The following DNAH2 variants were observed in gnomAD, a reference collection of about 807,000 sequenced individuals.
DNAH2 encodes axonemal beta dynein heavy chain 2.
Under a neutral mutation model 523.5 loss-of-function variants are expected in DNAH2, and 323 were observed. The ratio of observed to expected loss-of-function variants is 0.62; its 90% confidence interval spans 0.56 to 0.68. DNAH2 has a LOEUF of 0.68. Among genes scored for constraint, DNAH2 ranks in the 30% least tolerant of loss-of-function variants. The pLI is 0.00. For missense variants in DNAH2, 4,907 were observed against 5,701.5 expected, an observed-to-expected ratio of 0.86 and a Z score of 4.49; for synonymous variants, 2,093 against 2,177.4, an observed-to-expected ratio of 0.96 and a Z score of 1.08.
At position 7,823,583 on chromosome 17, in the gene DNAH2, C is replaced by T. The variant is rs1173522177; in HGVS notation, c.11284C>T (p.His3762Tyr). Residue 3762 changes from histidine (H) to tyrosine (Y), a missense_variant, in exon 74 of 86, where the codon CAC (histidine) becomes TAC (tyrosine). Around this residue, in one of 3 missense-constraint regions of DNAH2, gnomAD observed 1,851 missense variants for 2,139.4 expected, o/e 0.87. Transcript: ENST00000572933. ...NSFEQYPRDWHLWYTNAAPEK... is the reference protein window; with the variant it reads ...NSFEQYPRDWYLWYTNAAPEK... ...CTTTGAGCAGTACCCTCGTGACTGG[C>T]ACCTGTGGTATACCAATGCTGCCCC... is the stretch of plus-strand genomic sequence containing the variant. 2.5e-6 allele frequency: 4 copies of T among 1,614,070 alleles called. No individual in the cohort carries two copies. Among genetic ancestry groups the T allele is most frequent in the East Asian group, 2.2e-5 (1 of 44,892 alleles).
In DNAH2 at chr17:7,804,280, G is replaced by T; in HGVS notation, c.8997G>T (p.Glu2999Asp). The T allele has an allele frequency of 6.2e-7, 1 of 1,614,194 alleles. No homozygotes were observed. The highest frequency in any genetic ancestry group is 8.5e-7 in the Non-Finnish European group (1 of 1,180,040). Reference protein sequence around the residue: ...YKKLLGEKRQELLAQANKLRT... With the variant: ...YKKLLGEKRQDLLAQANKLRT... ...GGTTGCTGGGAGAAAAACGGCAGGA[G>T]CTGCTGGCCCAAGCCAATAAACTGC... Residue 2999 changes from glutamate (E) to aspartate (D), a missense_variant, in exon 59 of 86, where the codon GAG becomes GAT. By Grantham distance (45) the Glu-to-Asp change is conservative. Around this residue, in one of 3 missense-constraint regions of DNAH2, gnomAD observed 1,851 missense variants for 2,139.4 expected, o/e 0.87. Transcript: ENST00000572933.
intron 12 of DNAH2, among the ~76,000 whole-genome samples, chr17:7,751,405 T>A (rs895537885): frequency 3.2e-4 from 49 of 152,322 alleles, no homozygotes; most frequent in Admixed American, 1.6e-3. Context: ...GATTTTTTTT[T>A]AATTTTATTT....
chr17:7,814,096 G>A (rs1343768211), intron 63 of DNAH2, among the ~76,000 whole-genome samples: 1 of 150,496 alleles, frequency 6.6e-6, no homozygotes, highest in African/African-American at 2.5e-5. Flanking sequence ...CTGGGACCAG[G>A]CTCAGGAATG....
At chr17:7,736,762 A>G (rs190823356) in intron 7 of DNAH2, among the ~76,000 whole-genome samples, 48 of 152,106 alleles carry the variant, frequency 3.2e-4, no homozygotes, top group African/African-American at 1.0e-3. Context: ...CAGGTGGATT[A>G]CTCAAAGTCA....
chr17:7,830,232 A>G, intron 77 of DNAH2, 68 bp from the exon 78 acceptor site: 1 of 1,530,160 alleles, frequency 6.5e-7, no homozygotes, highest in Non-Finnish European at 8.9e-7. Context: ...ACAACTGTAC[A>G]TGGCAGTGCT....
intron 56 of DNAH2, among the ~76,000 whole-genome samples, chr17:7,800,177 A>G (rs1183789498): frequency 6.6e-6 from 1 of 152,114 alleles, no homozygotes; most frequent in Non-Finnish European, 1.5e-5. Flanking sequence ...TTAGCCTCCC[A>G]GTAGCTAGGA....
At position 7,740,962 on chromosome 17, in the gene DNAH2, C is replaced by T. The variant is rs546276344; in HGVS notation, c.1659C>T (p.Ile553=). The change falls in exon 11 of 86, where the codon ATC becomes ATT. Residue 553 remains isoleucine (I), a synonymous_variant. Transcript: ENST00000572933. ...QYSGKARWVH[I]LRRRIDRVMT... is the part of the protein sequence containing the mutation. ...CCGGAAAGGCGCGCTGGGTGCACAT[C>T]CTCCGGCGTCGCATCGACAGAGTCA... is the stretch of plus-strand genomic sequence containing the variant. The T allele has an allele frequency of 1.9e-6, 3 of 1,606,744 alleles. No individual in the cohort carries two copies. The highest frequency in any genetic ancestry group is 2.7e-5 in the African/African-American group (2 of 74,928).
At chr17:7,787,754 AG>A in intron 42 of DNAH2, 105 bp from the exon 43 acceptor site, 13 of 1,325,470 alleles carry the variant, frequency 9.8e-6, no homozygotes, top group Admixed American at 5.1e-5. Context: ...AAAAAAAAAA[AG>A]CAAATCGTTT....
At chr17:7,779,146 C>T (rs1597630115) in intron 35 of DNAH2, 97 bp from the exon 36 acceptor site, 10 of 1,434,376 alleles carry the variant, frequency 7.0e-6, no homozygotes, top group Middle Eastern at 2.5e-4. Flanking sequence ...GAGGCCGCCT[C>T]GCCTATTGAA....
At chr17:7,762,809 C>T (rs1414632190) in intron 18 of DNAH2, among the ~76,000 whole-genome samples, 2 of 151,810 alleles carry the variant, frequency 1.3e-5, no homozygotes, top group East Asian at 3.9e-4. Flanking sequence ...CTGTAGCAGC[C>T]AAGTGAATTC....
chr17:7,823,779 TC>T, intron 74 of DNAH2, 54 bp from the exon 75 acceptor site: 2 of 1,596,018 alleles, frequency 1.3e-6, no homozygotes, highest in East Asian at 2.2e-5. Context: ...TTGTCTGGAT[TC>T]CCCGCTCTTC....
Position 7,733,313 on chromosome 17 carries a change from C to T in DNAH2, c.626C>T (p.Thr209Ile), listed in dbSNP as rs1387970100. Residue 209 changes from threonine (T) to isoleucine (I), a missense_variant and splice_region_variant, in exon 5 of 86, where the codon ACA becomes ATA. Thr to Ile is a moderately conservative substitution (Grantham distance 89). Coordinates refer to ENST00000572933, the MANE Select transcript of DNAH2 (RefSeq NM_020877.5). ...SHLHKFLACL[T>I]DTRYKLEGHT... ...CTGCACAAGTTCTTGGCCTGCCTGA[C>T]AGGTAAGTGGGAAGACCGGAGTGAC... 6.2e-7 allele frequency: 1 copy of T among 1,613,922 alleles called. No homozygotes were observed. The highest frequency in any genetic ancestry group is 2.2e-5 in the East Asian group (1 of 44,882).
rs1199721840 is a variant in DNAH2, at chr17:7,733,475, C to CTTTTTTTTTTTTTTTTTTTTTTTTTTT, written c.628+180_628+181insTTTTTTTTTTTTTTTTTTTTTTTTTTT. On this transcript the variant is annotated intron_variant, in intron 5 of 85. Transcript: ENST00000572933. ...AGGGTACAAGATCCGCCTTCTTCTT[C>CTTTTTTTTTTTTTTTTTTTTTTTTTTT]TTTTTTTTTTTTTTTTTTTTGAGAT... 1.9e-3 allele frequency among the ~76,000 whole-genome samples: 213 copies of CTTTTTTTTTTTTTTTTTTTTTTTTTTT among 113,834 alleles called. 13 individuals carry two copies. The highest frequency in any genetic ancestry group is 3.5e-3 in the Non-Finnish European group (184 of 52,438). 74.7% of individuals were successfully genotyped at this position (113,834 alleles called of 152,430 possible). A position where few individuals can be genotyped will look rare whatever the true frequency, so the allele number is the denominator to read the frequency against.
intron 35 of DNAH2, among the ~76,000 whole-genome samples, chr17:7,778,759 G>A (rs964922514): frequency 1.3e-5 from 2 of 151,986 alleles, no homozygotes; most frequent in African/African-American, 2.4e-5. Context: ...AGTGGAGACG[G>A]GGTTTCACCA....
Position 7,826,609 on chromosome 17 carries a change from G to A in DNAH2, c.11853+1882G>A, listed in dbSNP as rs142877986. Among the ~76,000 whole-genome samples the A allele has an allele frequency of 0.012, 1,713 of 138,756 alleles. 114 individuals are homozygous for A. The East Asian group carries it at 0.21, about 17-fold the overall frequency. 91.0% of individuals were successfully genotyped at this position (138,756 alleles called of 152,430 possible). ...GGCTGGAGCGCAGTGGCGCCATCTC[G>A]GCTCACTGAAACATCCGCCTCCCAG... On this transcript the variant is annotated intron_variant, in intron 77 of 85. Transcript: ENST00000572933.
Position 7,786,685 on chromosome 17 carries a change from CA to C in DNAH2, c.6465del (p.Asp2156MetfsTer23), listed in dbSNP as rs1377390070. 6.2e-7 allele frequency: 1 copy of C among 1,613,572 alleles called. No homozygotes were observed. The highest frequency in any genetic ancestry group is 8.5e-7 in the Non-Finnish European group (1 of 1,179,936). On this transcript the variant is annotated frameshift_variant and splice_region_variant, in exon 41 of 86. Transcript: ENST00000572933. LOFTEE classifies it high-confidence loss of function. The surrounding 1 kb of genome is among the most constrained non-coding windows in gnomAD (Gnocchi z 7.5). Reference protein sequence around the residue: ...ILSSVMRTACADEKPDEKWIL... With the variant: ...ILSSVMRTACXDEKPDEKWIL... Reference sequence around the variant, plus strand: ...TCCAGTGTCATGCGGACGGCATGTGCAGGTATCCAGAGGATCGTGGGGTGTG... The same window carrying C: ...TCCAGTGTCATGCGGACGGCATGTGCGGTATCCAGAGGATCGTGGGGTGTG...
chr17:7,787,909 C>G lies in DNAH2; in HGVS notation c.6653C>G (p.Thr2218Ser), dbSNP rs777959842. 10 of 1,614,064 alleles carry G rather than the reference C, an allele frequency of 6.2e-6. No individual in the cohort carries two copies. The African/African-American group carries it at 1.2e-4, about 19-fold the overall frequency. The change falls in exon 43 of 86, where the codon ACT becomes AGT. Residue 2218 changes from threonine to serine, a missense_variant. Physicochemically the swap from Thr to Ser is moderately conservative, Grantham distance 58. Transcript: ENST00000572933. ...GACCTGGCAATGGCCTCTCCGGCCA[C>G]TGTATCCCGCTGCGGGATGGTCTAC... is the stretch of plus-strand genomic sequence containing the variant. Reference protein sequence around the residue: ...VEDLAMASPATVSRCGMVYTD... With the variant: ...VEDLAMASPASVSRCGMVYTD...
intron 50 of DNAH2, 152 bp from the exon 51 acceptor site, chr17:7,797,024 C>T (rs1035714748): frequency 4.3e-6 from 3 of 699,152 alleles, no homozygotes; most frequent in Non-Finnish European, 7.2e-6. Context: ...ATTGCTTGAA[C>T]CTGGGAGGCA....
intron 12 of DNAH2, among the ~76,000 whole-genome samples, chr17:7,745,694 G>A (rs901635966): frequency 1.3e-5 from 2 of 151,762 alleles, no homozygotes; most frequent in Admixed American, 1.3e-4. Context: ...GGAGGCTGAG[G>A]TGGAAGGATT....
Sources: gnomAD v4.1 joint callset for allele counts (sites outside exome capture counted in the v4.1 genomes callset) on GRCh38, gnomAD v4.1.1 for gene constraint, gnomAD v4.1.1 regional missense constraint, Gnocchi (gnomAD v3.1) non-coding constraint, MANE v1.5 for transcripts, NCBI Gene and HGNC (gene_info 2026-07-23, HGNC 2026-07-21) for gene names.